The following TRABD2B variants were observed in gnomAD, a reference collection of about 807,000 sequenced individuals.
TRABD2B encodes the protein metalloprotease TIKI2.
A neutral mutation model predicts 40.1 loss-of-function variants in TRABD2B; 14 were observed. The ratio of observed to expected loss-of-function variants is 0.35; its 90% CI spans 0.23 to 0.55. The LOEUF (loss-of-function observed/expected upper bound fraction) is 0.55, where lower values mean the gene tolerates loss of function less well. Among genes scored for constraint, TRABD2B ranks in the 20% least tolerant of loss-of-function variants. TRABD2B has a pLI of 0.90. For synonymous variants in TRABD2B, 263 were observed against 277.0 expected (o/e 0.95, Z 0.50); for missense variants, 541 against 648.6 (o/e 0.83, Z 1.80).
intron 2 of TRABD2B, among the ~76,000 whole-genome samples, chr1:47,892,291 T>C (rs1187594833): frequency 6.6e-6 from 1 of 152,236 alleles, no homozygotes; most frequent in Non-Finnish European, 1.5e-5. Context: ...CTAAGACTTT[T>C]GGCCTGAACA....
chr1:47,771,309 ATGTGTCC>A (rs1644375192), intron 6 of TRABD2B, among the ~76,000 whole-genome samples: 1 of 152,192 alleles, frequency 6.6e-6, no homozygotes, highest in Non-Finnish European at 1.5e-5. Flanking sequence ...TCTGTGGCAC[ATGTGTCC>A]TGCACCCCCT....
chr1:47,770,747 TC>T (rs1644367231), intron 6 of TRABD2B, among the ~76,000 whole-genome samples: 1 of 152,208 alleles, frequency 6.6e-6, no homozygotes, highest in African/African-American at 2.4e-5. Flanking sequence ...CCCAATATGT[TC>T]CTGTCAAACT....
chr1:47,909,438 G>GAGAAGA (rs1011112419), intron 2 of TRABD2B, among the ~76,000 whole-genome samples: 2 of 148,722 alleles, frequency 1.3e-5, no homozygotes, highest in African/African-American at 5.0e-5. Context: ...GAGAGAGAGA[G>GAGAAGA]AGAAGAAGAA....
At chr1:47,905,399 C>T (rs1254617590) in intron 2 of TRABD2B, among the ~76,000 whole-genome samples, 1 of 152,136 alleles carries the variant, frequency 6.6e-6, no homozygotes, top group Admixed American at 6.5e-5. Flanking sequence ...AGGGAAATGT[C>T]TGAAGGTTTC....
At chr1:47,980,182 T>C (rs1645821182) in intron 2 of TRABD2B, among the ~76,000 whole-genome samples, 3 of 152,136 alleles carry the variant, frequency 2.0e-5, no homozygotes, top group Admixed American at 1.3e-4. Context: ...TGAGTAACTA[T>C]ATTCCTTCAA....
intron 2 of TRABD2B, among the ~76,000 whole-genome samples, chr1:47,877,312 G>T (rs1276895926): frequency 2.0e-5 from 3 of 152,086 alleles, no homozygotes; most frequent in Non-Finnish European, 2.9e-5. Flanking sequence ...CAGCTCCAGG[G>T]CAGCTGGAAC....
chr1:47,902,337 G>C (rs957783984), intron 2 of TRABD2B, among the ~76,000 whole-genome samples: 1 of 152,156 alleles, frequency 6.6e-6, no homozygotes, highest in Non-Finnish European at 1.5e-5. Context: ...TGAAAGAGAA[G>C]CCTCTGAGTT....
chr1:47,916,578 A>C (rs1360540232), intron 2 of TRABD2B, among the ~76,000 whole-genome samples: 1 of 152,222 alleles, frequency 6.6e-6, no homozygotes, highest in Non-Finnish European at 1.5e-5. Context: ...GGTGGAGGAA[A>C]GTAAGAAATA....
intron 2 of TRABD2B, among the ~76,000 whole-genome samples, chr1:47,971,544 C>G (rs1645682566): frequency 6.6e-6 from 1 of 152,142 alleles, no homozygotes; most frequent in African/African-American, 2.4e-5. Flanking sequence ...CCAGGTAGGC[C>G]TGCCCAGCCC....
At chr1:47,908,066 G>T (rs895199467) in intron 2 of TRABD2B, among the ~76,000 whole-genome samples, 7 of 152,108 alleles carry the variant, frequency 4.6e-5, no homozygotes, top group African/African-American at 1.7e-4. Context: ...ACCTAAATGT[G>T]GTCTGTGGCC....
chr1:47,966,855 A>G (rs897411766), intron 2 of TRABD2B, among the ~76,000 whole-genome samples: 1 of 151,856 alleles, frequency 6.6e-6, no homozygotes, highest in African/African-American at 2.4e-5. Flanking sequence ...CAGTGAGCTG[A>G]AATCACACCA....
intron 2 of TRABD2B, among the ~76,000 whole-genome samples, chr1:47,949,676 G>A (rs1190793805): frequency 6.6e-6 from 1 of 151,842 alleles, no homozygotes; most frequent in Non-Finnish European, 1.5e-5. Flanking sequence ...CCAAAGTGCT[G>A]GGATTACAGG....
intron 2 of TRABD2B, among the ~76,000 whole-genome samples, chr1:47,989,859 T>C (rs564108500): frequency 2.0e-5 from 3 of 152,266 alleles, no homozygotes; most frequent in African/African-American, 7.2e-5. Flanking sequence ...GGGGTTGTGG[T>C]AATGGACTCA....
Position 47,867,022 on chromosome 1 carries a change from AGCCACCC to A in TRABD2B, c.667-65410_667-65404del, listed in dbSNP as rs747581936. Among the ~76,000 whole-genome samples the A allele has an allele frequency of 2.8e-4, 42 of 152,292 alleles. 1 individual carries two copies. The highest frequency in any genetic ancestry group is 1.7e-3 in the South Asian group (8 of 4,826). ...CTACACTCAGCTATACAAACTTCACAGCCACCCGCCTGTCTCCTGCAAGGAAGTGAAA... is the reference window on the plus strand; with the variant it reads ...CTACACTCAGCTATACAAACTTCACAGCCTGTCTCCTGCAAGGAAGTGAAA... On this transcript the variant is annotated intron_variant, in intron 2 of 6. Coordinates refer to ENST00000606738, the MANE Select transcript of TRABD2B (RefSeq NM_001194986.2).
chr1:47,801,765 T>C (rs2124282903), intron 2 of TRABD2B, 146 bp from the exon 3 acceptor site: 2 of 1,038,400 alleles, frequency 1.9e-6, no homozygotes, highest in Non-Finnish European at 2.7e-6. Flanking sequence ...GCTCAGGCTG[T>C]GTGTTTCCAG....
chr1:47,780,616 C>A (rs184272416), intron 4 of TRABD2B, among the ~76,000 whole-genome samples: 2 of 152,138 alleles, frequency 1.3e-5, no homozygotes, highest in African/African-American at 4.8e-5. Context: ...TGGGGTCAAG[C>A]AGACTTCCTG....
intron 2 of TRABD2B, among the ~76,000 whole-genome samples, chr1:47,927,097 T>C (rs1207757143): frequency 2.6e-5 from 4 of 152,216 alleles, no homozygotes; most frequent in Non-Finnish European, 5.9e-5. Flanking sequence ...TTGGAGGGTC[T>C]AGCAGGACTA....
intron 2 of TRABD2B, among the ~76,000 whole-genome samples, chr1:47,861,008 C>A (rs1643959425): frequency 1.3e-5 from 2 of 152,166 alleles, no homozygotes; most frequent in Admixed American, 1.3e-4. Flanking sequence ...GACAGGGTCT[C>A]ATAGACCAAT....
In TRABD2B at chr1:47,778,020, G is replaced by A. The variant is rs1644471411; in HGVS notation, c.1079+434C>T. On this transcript the variant is annotated intron_variant, in intron 5 of 6. Coordinates refer to ENST00000606738, the MANE Select transcript of TRABD2B (RefSeq NM_001194986.2). ...AGCCAGAGACAGCAACGGAGAAGGT[G>A]AGGACCAGGAGTGGGTGGGGCAGCA... 5.9e-5 allele frequency among the ~76,000 whole-genome samples: 9 copies of A among 152,208 alleles called. No individual in the cohort carries two copies. The South Asian group carries it at 1.9e-3, about 31-fold the overall frequency.
Sources: allele counts gnomAD v4.1 joint callset (sites outside exome capture counted in the v4.1 genomes callset), GRCh38; gene constraint gnomAD v4.1.1; transcripts MANE v1.5; gene names NCBI Gene and HGNC (gene_info 2026-07-23, HGNC 2026-07-21).